UTP11: variants seen among roughly 807,000 people sequenced by gnomAD.
UTP11 encodes UTP11 small subunit processome component, also known as probable U3 small nucleolar RNA-associated protein 11.
In UTP11, 29 loss-of-function variants were observed where a neutral mutation model predicts 39.0. That is an observed-to-expected ratio of 0.74 (90% CI 0.55 to 1.01). The LOEUF (loss-of-function observed/expected upper bound fraction) is 1.01. UTP11 is among the 50% of genes least tolerant of loss of function. UTP11 has a pLI of 0.00. For missense variants in UTP11, 281 were observed against 306.0 expected, an observed-to-expected ratio of 0.92 and a Z score of 0.61; for synonymous variants, 111 against 105.0, an observed-to-expected ratio of 1.06 and a Z score of -0.35.
chr1:38,019,310 T>G lies in UTP11; in HGVS notation c.494T>G (p.Val165Gly). 1.9e-6 allele frequency: 3 copies of G among 1,613,908 alleles called. No homozygotes were observed. The highest frequency in any genetic ancestry group is 2.5e-6 in the Non-Finnish European group (3 of 1,179,982). The change falls in exon 6 of 8, where the codon GTC becomes GGC. Residue 165 changes from valine (V) to glycine (G), a missense_variant. Val to Gly is a moderately radical substitution (Grantham distance 109, BLOSUM62 -3). Coordinates refer to ENST00000373014, the MANE Select transcript of UTP11 (RefSeq NM_016037.4). ...ACAGCCCCGGAGCTAGTCGACAGAG[T>G]CTTTAATAGGCCCAGGATAGAGACC... ...LQTAPELVDR[V>G]FNRPRIETLQ...
chr1:38,019,364 CCAAT>C lies in UTP11; in HGVS notation c.551_554del (p.Asn184ArgfsTer7). ...CAGAAAGAAAAAGTGAAAGGAGTTA[CCAAT>C]CAGACTGGACTTAAGGTAATTTTCT... On this transcript the variant is annotated frameshift_variant, in exon 6 of 8. Coordinates refer to ENST00000373014, the MANE Select transcript of UTP11 (RefSeq NM_016037.4). LOFTEE classifies it high-confidence loss of function. The C allele has an allele frequency of 2.5e-6, 4 of 1,613,270 alleles. No homozygotes were observed. Among genetic ancestry groups the C allele is most frequent in the Non-Finnish European group, 3.4e-6 (4 of 1,179,860 alleles).
At chr1:38,019,968 C>T (rs1333091541) in intron 6 of UTP11, among the ~76,000 whole-genome samples, 3 of 152,078 alleles carry the variant, frequency 2.0e-5, no homozygotes, top group Non-Finnish European at 4.4e-5. Context: ...TCTGACCCTG[C>T]GCTTTGTGCT....
At chr1:38,023,503 C>G (rs1212368085) in intron 7 of UTP11, 42 bp from the exon 8 acceptor site, 1 of 1,565,316 alleles carries the variant, frequency 6.4e-7, no homozygotes, top group Non-Finnish European at 8.7e-7. Context: ...TTTACAAAAC[C>G]ATTTCCTTCT....
At chr1:38,015,924 A>G (rs1371108164) in intron 1 of UTP11, among the ~76,000 whole-genome samples, 1 of 152,228 alleles carries the variant, frequency 6.6e-6, no homozygotes, top group South Asian at 2.1e-4. Context: ...AAGGTCACAG[A>G]TTGTTCAGAG....
Position 38,022,851 on chromosome 1 carries a change from C to T in UTP11, c.678+42C>T, listed in dbSNP as rs1318003813. 4 of 1,355,952 alleles carry T rather than the reference C, an allele frequency of 2.9e-6. No individual in the cohort carries two copies. In the African/African-American group the frequency reaches 4.5e-5, roughly 15 times the overall value. 84.0% of individuals were successfully genotyped at this position (1,355,952 alleles called of 1,614,324 possible). A position where few individuals can be genotyped will look rare whatever the true frequency, so the allele number is the denominator to read the frequency against. On this transcript the variant is annotated intron_variant, in intron 7 of 7. Transcript: ENST00000373014. ...TTAGGCCTCTTTTTTTTTTTTTCCC[C>T]CTTTTCTTTCTTGTAAAGGTCTTAA...
At chr1:38,019,419 G>A in intron 6 of UTP11, 36 bp downstream of exon 6, 1 of 1,473,230 alleles carries the variant, frequency 6.8e-7, no homozygotes, top group Non-Finnish European at 9.0e-7. Context: ...TGTGAGCTTA[G>A]GGGAATCTAG....
intron 1 of UTP11, 63 bp downstream of exon 1, chr1:38,012,928 C>T (rs904101213): frequency 3.1e-6 from 5 of 1,600,856 alleles, no homozygotes; most frequent in African/African-American, 2.7e-5. Context: ...TTGCCCCAAC[C>T]CTGTCGCCAC....
At chr1:38,019,198 T>C in intron 5 of UTP11, 46 bp downstream of exon 5, 2 of 1,613,930 alleles carry the variant, frequency 1.2e-6, no homozygotes, top group Non-Finnish European at 1.7e-6. Flanking sequence ...CATGCCAGTC[T>C]GTGTCATTTG....
chr1:38,017,024 C>T (rs1233675481), intron 2 of UTP11: 1 of 153,404 alleles, frequency 6.5e-6, no homozygotes, highest in Non-Finnish European at 1.5e-5. Context: ...TCTGTAGGTC[C>T]CAGAGATTTT....
chr1:38,022,106 C>T (rs1199979438), intron 6 of UTP11, among the ~76,000 whole-genome samples: 1 of 152,184 alleles, frequency 6.6e-6, no homozygotes, highest in Non-Finnish European at 1.5e-5. Context: ...GTTGCCGACT[C>T]TTCTGTTGCT....
intron 1 of UTP11, among the ~76,000 whole-genome samples, chr1:38,015,633 G>A (rs143817886): frequency 3.5e-4 from 54 of 152,316 alleles, no homozygotes; most frequent in African/African-American, 1.2e-3. Context: ...ACAAATGGTA[G>A]TATGTAGAAG....
chr1:38,017,845 G>A (rs1371299138), intron 3 of UTP11, 75 bp downstream of exon 3: 35 of 1,327,646 alleles, frequency 2.6e-5, no homozygotes, highest in Non-Finnish European at 3.6e-5. Context: ...AGATGGAGAG[G>A]AAGAATCGTT....
Position 38,024,687 on chromosome 1 carries a change from G to C in UTP11, c.*1059G>C, listed in dbSNP as rs1020197628. ...CTCCCAAAGTGCTGGGATTACAGGC[G>C]TGAGCCACCGCGCCCGGCCGATGTC... On this transcript the variant is annotated 3_prime_UTR_variant, in exon 8 of 8. Coordinates refer to ENST00000373014, the MANE Select transcript of UTP11 (RefSeq NM_016037.4). The C allele has an allele frequency of 6.6e-6, 1 of 152,128 alleles. No homozygotes were observed. The highest frequency in any genetic ancestry group is 1.5e-5 in the Non-Finnish European group (1 of 68,036). 9.4% of individuals were successfully genotyped at this position (152,128 alleles called of 1,614,324 possible).
rs1238779214 is a variant in UTP11 at position 38,024,608 on chromosome 1, C to G, written c.*980C>G. 1 of 151,120 alleles carries G rather than the reference C, an allele frequency of 6.6e-6. No individual in the cohort carries two copies. The highest frequency in any genetic ancestry group is 1.5e-5 in the Non-Finnish European group (1 of 67,804). 9.4% of individuals were successfully genotyped at this position (151,120 alleles called of 1,614,324 possible). ...TTTTTTAGTAGAGACGGGGTTTCAC[C>G]TTGTTAGCCAGGATGGTCTCGATCT... On this transcript the variant is annotated 3_prime_UTR_variant, in exon 8 of 8. Transcript: ENST00000373014.
At chr1:38,015,107 C>G (rs549786788) in intron 1 of UTP11, among the ~76,000 whole-genome samples, 25 of 152,152 alleles carry the variant, frequency 1.6e-4, no homozygotes, top group Non-Finnish European at 2.5e-4. Flanking sequence ...ACTGCAACCT[C>G]CGCCTCCCGT....
intron 4 of UTP11, 132 bp downstream of exon 4, chr1:38,018,709 A>G (rs1646719654): frequency 1.3e-6 from 1 of 789,324 alleles, no homozygotes; most frequent in Non-Finnish European, 2.0e-6. Context: ...TTAGAAGTAT[A>G]GTTAGCATGG....
intron 2 of UTP11, 84 bp downstream of exon 2, chr1:38,016,504 C>A: frequency 7.0e-7 from 1 of 1,419,646 alleles, no homozygotes; most frequent in African/African-American, 1.4e-5. Context: ...GAGTGTCCAA[C>A]AGGGGATAAT....
intron 7 of UTP11, 108 bp from the exon 8 acceptor site, chr1:38,023,436 CT>C: frequency 1.1e-6 from 1 of 939,882 alleles, no homozygotes; most frequent in Non-Finnish European, 1.6e-6. Context: ...TGTGTCCGTT[CT>C]CAACTTTGAG....
intron 6 of UTP11, among the ~76,000 whole-genome samples, chr1:38,019,969 G>A (rs114389690): frequency 1.3e-5 from 2 of 152,094 alleles, no homozygotes; most frequent in African/African-American, 2.4e-5. Context: ...CTGACCCTGC[G>A]CTTTGTGCTT....
Sources: allele counts gnomAD v4.1 joint callset (sites outside exome capture counted in the v4.1 genomes callset), GRCh38; gene constraint gnomAD v4.1.1; transcripts MANE v1.5; gene names NCBI Gene and HGNC (gene_info 2026-07-23, HGNC 2026-07-21).